SLC8A3: variants seen among roughly 807,000 people sequenced by gnomAD.
The protein encoded by SLC8A3 is sodium/calcium exchanger 3.
A neutral mutation model predicts 65.4 loss-of-function variants in SLC8A3; 37 were observed. That is an observed-to-expected ratio of 0.57 (90% CI 0.44 to 0.74). The LOEUF (loss-of-function observed/expected upper bound fraction) is 0.74, where lower values mean the gene tolerates loss of function less well. Among genes scored for constraint, SLC8A3 ranks in the 30% least tolerant of loss-of-function variants. SLC8A3 has a pLI of 0.00. For missense variants in SLC8A3, 1,112 were observed against 1,172.1 expected, an observed-to-expected ratio of 0.95 and a Z score of 0.75; for synonymous variants, 461 against 444.5, an observed-to-expected ratio of 1.04 and a Z score of -0.47.
chr14:70,054,116 A>G (rs1308337778), intron 3 of SLC8A3, among the ~76,000 whole-genome samples: 1 of 152,164 alleles, frequency 6.6e-6, no homozygotes, highest in Non-Finnish European at 1.5e-5. Flanking sequence ...GGGGAGAGAA[A>G]GATAGAATAT....
intron 3 of SLC8A3, among the ~76,000 whole-genome samples, chr14:70,058,756 C>T (rs2031077574): frequency 6.6e-6 from 1 of 152,154 alleles, no homozygotes; most frequent in Admixed American, 6.5e-5. Context: ...GGAATAAAGG[C>T]ATGTATGGAC....
At chr14:70,187,986 A>G (rs1883476546) in intron 1 of SLC8A3, among the ~76,000 whole-genome samples, 1 of 152,084 alleles carries the variant, frequency 6.6e-6, no homozygotes, top group Admixed American at 6.5e-5. Context: ...ATATGCCGAC[A>G]TGCATCCAGC....
chr14:70,186,861 G>A (rs906303699), intron 1 of SLC8A3, among the ~76,000 whole-genome samples: 1 of 152,192 alleles, frequency 6.6e-6, no homozygotes, highest in Non-Finnish European at 1.5e-5. Context: ...AGCCCATAAA[G>A]GGTGAACTGA....
chr14:70,142,285 T>A (rs1895630256), intron 2 of SLC8A3, among the ~76,000 whole-genome samples: 1 of 152,224 alleles, frequency 6.6e-6, no homozygotes, highest in Non-Finnish European at 1.5e-5. Context: ...AGAAAAGGAA[T>A]TTCAAACCTT....
At chr14:70,071,070 C>T (rs573420421) in intron 2 of SLC8A3, among the ~76,000 whole-genome samples, 1 of 152,332 alleles carries the variant, frequency 6.6e-6, no homozygotes, top group East Asian at 1.9e-4. Flanking sequence ...GATTGATTTA[C>T]AGCCTATTTT....
intron 2 of SLC8A3, among the ~76,000 whole-genome samples, chr14:70,107,126 A>T (rs1892927367): frequency 6.6e-6 from 1 of 152,092 alleles, no homozygotes; most frequent in Admixed American, 6.5e-5. Context: ...TTTGGTTCTG[A>T]TTTCAACAGA....
rs986517690 is a variant in SLC8A3 at position 70,045,899 on chromosome 14, C to T, written c.*48G>A. On this transcript the variant is annotated 3_prime_UTR_variant, in exon 7 of 7. Coordinates refer to ENST00000356921, the MANE Select transcript of SLC8A3 (RefSeq NM_182932.3). ...ATCACTGGTGGGGAAGTGCCCTTCT[C>T]TTAGGAGAAGTCCTAGGCCTGCCCT... is the stretch of plus-strand genomic sequence containing the variant. The T allele has an allele frequency of 3.3e-6, 5 of 1,503,124 alleles. No individual in the cohort carries two copies. Among genetic ancestry groups the T allele is most frequent in the Non-Finnish European group, 4.5e-6 (5 of 1,121,932 alleles). The allele number at this position is 1,503,124 out of a possible 1,614,324, so 93.1% of individuals were successfully genotyped here.
At chr14:70,071,275 T>C (rs959666286) in intron 2 of SLC8A3, among the ~76,000 whole-genome samples, 4 of 152,252 alleles carry the variant, frequency 2.6e-5, no homozygotes, top group Admixed American at 6.5e-5. Context: ...GTAAATGTGC[T>C]GTTATCACTC....
rs757167678 is a variant in SLC8A3 at position 70,167,471 on chromosome 14, G to A, written c.952C>T (p.Arg318Trp). Residue 318 changes from arginine (R) to tryptophan (W), a missense_variant, in exon 2 of 7, where the codon CGG becomes TGG. Coordinates refer to ENST00000356921, the MANE Select transcript of SLC8A3 (RefSeq NM_182932.3). ...EVDESRREMI[R>W]ILKDLKQKHP... Reference sequence around the variant, plus strand: ...TTTTGCTTCAGATCCTTGAGAATCCGGATCATCTCTCTGCGGGACTCATCC... The same window carrying A: ...TTTTGCTTCAGATCCTTGAGAATCCAGATCATCTCTCTGCGGGACTCATCC... 1.5e-5 allele frequency: 24 copies of A among 1,613,942 alleles called. No homozygotes were observed. Among genetic ancestry groups the A allele is most frequent in the Admixed American group, 5.0e-5 (3 of 59,992 alleles).
At chr14:70,132,185 T>C (rs925384192) in intron 2 of SLC8A3, among the ~76,000 whole-genome samples, 2 of 152,216 alleles carry the variant, frequency 1.3e-5, no homozygotes, top group African/African-American at 2.4e-5. Context: ...GTGCCCCTTT[T>C]GGTGGTCACT....
intron 2 of SLC8A3, among the ~76,000 whole-genome samples, chr14:70,095,099 A>C (rs1892078311): frequency 6.6e-6 from 1 of 152,246 alleles, no homozygotes; most frequent in Admixed American, 6.5e-5. Context: ...TGTGAGGTTT[A>C]CAAGGGCTTG....
intron 2 of SLC8A3, among the ~76,000 whole-genome samples, chr14:70,158,387 G>T (rs560787110): frequency 3.5e-4 from 53 of 152,304 alleles, no homozygotes; most frequent in Non-Finnish European, 6.0e-4. Flanking sequence ...CTAAAAGGTC[G>T]ACAAATCAAG....
intron 2 of SLC8A3, among the ~76,000 whole-genome samples, chr14:70,067,775 C>T (rs1889598325): frequency 6.6e-6 from 1 of 152,210 alleles, no homozygotes; most frequent in Non-Finnish European, 1.5e-5. Context: ...TCCAAGGAAG[C>T]TCTCTCCAAC....
At chr14:70,048,143 A>G (rs1401157707) in intron 6 of SLC8A3, 1 of 159,482 alleles carries the variant, frequency 6.3e-6, no homozygotes, top group East Asian at 1.8e-4. Context: ...CCTAAGAAAA[A>G]GAAAGAGTAT....
chr14:70,095,862 T>C (rs1424095070), intron 2 of SLC8A3, among the ~76,000 whole-genome samples: 1 of 152,124 alleles, frequency 6.6e-6, no homozygotes, highest in Non-Finnish European at 1.5e-5. Flanking sequence ...TTCTGTGAGT[T>C]CTACACATAC....
chr14:70,128,570 A>G (rs772189046), intron 2 of SLC8A3, among the ~76,000 whole-genome samples: 8 of 152,158 alleles, frequency 5.3e-5, no homozygotes, highest in Non-Finnish European at 1.2e-4. Context: ...CATCTAACCC[A>G]TTCTCTTAGA....
At chr14:70,138,564 T>C (rs1327041886) in intron 2 of SLC8A3, among the ~76,000 whole-genome samples, 1 of 152,182 alleles carries the variant, frequency 6.6e-6, no homozygotes, top group Non-Finnish European at 1.5e-5. Context: ...CACCATTGCA[T>C]CAACTATAAG....
rs146341754 is a variant in SLC8A3 at position 70,046,157 on chromosome 14, G to A, written c.2556C>T (p.Ala852=). ...ALQGQEFHVS[A]GTLAFSVTLF... ...GGGTGACGGAGAAGGCCAGTGTGCC[G>A]GCCGACACGTGGAACTCCTGTCCCT... Residue 852 remains alanine (A), a synonymous_variant, in exon 7 of 7, where the codon GCC becomes GCT. Transcript: ENST00000356921. The surrounding 1 kb of genome is among the most constrained non-coding windows in gnomAD (Gnocchi z 4.2). The A allele has an allele frequency of 4.4e-4, 716 of 1,614,040 alleles. 2 individuals are homozygous for A. The highest frequency in any genetic ancestry group is 3.3e-4 in the Non-Finnish European group (389 of 1,180,030).
intron 3 of SLC8A3, chr14:70,055,750 A>G (rs1393877141): frequency 1.3e-6 from 2 of 1,565,938 alleles, no homozygotes; most frequent in African/African-American, 2.8e-5. Flanking sequence ...AAATAATGGC[A>G]CTGGCAAGAA....
Sources: allele counts gnomAD v4.1 joint callset (sites outside exome capture counted in the v4.1 genomes callset), GRCh38; gene constraint gnomAD v4.1.1; non-coding constraint Gnocchi (gnomAD v3.1); transcripts MANE v1.5; gene names NCBI Gene and HGNC (gene_info 2026-07-23, HGNC 2026-07-21).